Variants in MALRD1 observed in about 807,000 individuals in gnomAD.
MALRD1 encodes the protein MAM and LDL receptor class A domain containing 1.
A neutral mutation model predicts 242.1 loss-of-function variants in MALRD1; 247 were observed. The ratio of observed to expected loss-of-function variants is 1.02; its 90% confidence interval spans 0.92 to 1.13. MALRD1 has a LOEUF of 1.13. Ranked by LOEUF, MALRD1 falls within the 50% of genes most tolerant of loss-of-function variation. The pLI is 0.00. For synonymous variants in MALRD1, 995 were observed against 866.6 expected (o/e 1.15, Z -2.60); for missense variants, 2,989 against 2,533.1 (o/e 1.18, Z -3.86).
At chr10:19,306,241 ATATAC>A (rs1200868903) in intron 21 of MALRD1, among the ~76,000 whole-genome samples, 6 of 133,318 alleles carry the variant, frequency 4.5e-5, no homozygotes, top group Admixed American at 2.5e-4. Context: ...ACTATACTAT[ATATAC>A]TATACTATAG....
intron 36 of MALRD1, among the ~76,000 whole-genome samples, chr10:19,640,065 G>A (rs1840314270): frequency 6.6e-6 from 1 of 152,084 alleles, no homozygotes; most frequent in South Asian, 2.1e-4. Context: ...CATGGGGGAA[G>A]GGATGCTTCA....
At chr10:19,720,583 G>A (rs1028726948) in intron 38 of MALRD1, among the ~76,000 whole-genome samples, 4 of 152,036 alleles carry the variant, frequency 2.6e-5, no homozygotes, top group Non-Finnish European at 5.9e-5. Flanking sequence ...TACATACTCC[G>A]ATGATATCCA....
chr10:19,509,872 AAAAG>A (rs769163139), intron 31 of MALRD1, among the ~76,000 whole-genome samples: 1 of 152,264 alleles, frequency 6.6e-6, no homozygotes, highest in Middle Eastern at 3.4e-3. Flanking sequence ...GACACTTGAG[AAAAG>A]AAAGAGACAC....
At chr10:19,164,432 G>T (rs975286688) in intron 12 of MALRD1, among the ~76,000 whole-genome samples, 3 of 152,130 alleles carry the variant, frequency 2.0e-5, no homozygotes, top group East Asian at 1.9e-4. Context: ...TTTTTAAAAA[G>T]AATTTAAAAT....
At chr10:19,124,348 A>G (rs1837176225) in intron 6 of MALRD1, among the ~76,000 whole-genome samples, 176 bp from the exon 7 acceptor site, 1 of 152,200 alleles carries the variant, frequency 6.6e-6, no homozygotes, top group South Asian at 2.1e-4. Flanking sequence ...AATTTTTGCA[A>G]AATGGAGTTG....
intron 28 of MALRD1, among the ~76,000 whole-genome samples, chr10:19,413,007 T>G (rs1324631415): frequency 6.6e-6 from 1 of 152,146 alleles, no homozygotes; most frequent in Non-Finnish European, 1.5e-5. Context: ...TTCTTAAAAA[T>G]TGAATCTCTT....
chr10:19,395,213 T>C (rs1201177078), intron 28 of MALRD1, among the ~76,000 whole-genome samples: 1 of 152,158 alleles, frequency 6.6e-6, no homozygotes, highest in African/African-American at 2.4e-5. Flanking sequence ...TCTCAGTCAA[T>C]TTAGGAAGTT....
intron 5 of MALRD1, among the ~76,000 whole-genome samples, chr10:19,116,524 A>G (rs1440226059): frequency 1.3e-5 from 2 of 152,240 alleles, no homozygotes; most frequent in Non-Finnish European, 2.9e-5. Flanking sequence ...CCTCTGGAGT[A>G]AAAACTGGAT....
At chr10:19,289,275 T>C (rs972859658) in intron 21 of MALRD1, among the ~76,000 whole-genome samples, 8 of 152,168 alleles carry the variant, frequency 5.3e-5, no homozygotes, top group African/African-American at 1.9e-4. Context: ...TATTTCCGTA[T>C]TTCCTCTCAC....
At chr10:19,547,925 C>T (rs1297593155) in intron 32 of MALRD1, among the ~76,000 whole-genome samples, 1 of 129,090 alleles carries the variant, frequency 7.7e-6, no homozygotes, top group Non-Finnish European at 1.6e-5. Context: ...AACTTGTGCT[C>T]GCTTTGTGTT....
At chr10:19,363,660 G>A (rs1381663291) in intron 26 of MALRD1, among the ~76,000 whole-genome samples, 1 of 152,128 alleles carries the variant, frequency 6.6e-6, no homozygotes, top group East Asian at 1.9e-4. Context: ...TTGAGAGAAG[G>A]CAATAAATAA....
chr10:19,524,345 T>C (rs1834002652), intron 31 of MALRD1, among the ~76,000 whole-genome samples: 1 of 150,260 alleles, frequency 6.7e-6, no homozygotes, highest in Non-Finnish European at 1.5e-5. Context: ...GGCGTGGTGG[T>C]GCGTGCCTGT....
At chr10:19,308,734 G>A (rs1291019787) in intron 21 of MALRD1, among the ~76,000 whole-genome samples, 3 of 151,494 alleles carry the variant, frequency 2.0e-5, no homozygotes, top group Non-Finnish European at 4.4e-5. Context: ...TACGTTGTGA[G>A]CCCATTAGAG....
intron 36 of MALRD1, among the ~76,000 whole-genome samples, chr10:19,677,405 A>G (rs149285314): frequency 0.025 from 3,873 of 152,164 alleles, 193 homozygotes; most frequent in African/African-American, 0.088. Flanking sequence ...GCATTTTTCT[A>G]ATGATCAGTG....
chr10:19,444,021 G>A (rs1179562467), intron 28 of MALRD1, among the ~76,000 whole-genome samples: 2 of 152,168 alleles, frequency 1.3e-5, no homozygotes, highest in Admixed American at 1.3e-4. Flanking sequence ...ATTTAGAATA[G>A]TTAGCCCTTC....
intron 18 of MALRD1, among the ~76,000 whole-genome samples, chr10:19,213,142 A>C (rs948429298): frequency 6.6e-6 from 1 of 152,086 alleles, no homozygotes; most frequent in Non-Finnish European, 1.5e-5. Flanking sequence ...GTGGGGTCAT[A>C]TCAAAGAAAG....
At chr10:19,341,831 C>T (rs556406552) in intron 24 of MALRD1, among the ~76,000 whole-genome samples, 1 of 152,054 alleles carries the variant, frequency 6.6e-6, no homozygotes, top group South Asian at 2.1e-4. Flanking sequence ...AACCCAGCCC[C>T]TTTTATTTCA....
intron 21 of MALRD1, among the ~76,000 whole-genome samples, chr10:19,298,784 A>G (rs1234381568): frequency 6.6e-6 from 1 of 152,002 alleles, no homozygotes; most frequent in Non-Finnish European, 1.5e-5. Flanking sequence ...ACCTCAAAGC[A>G]CAACTTTAAT....
At chr10:19,373,676 G>T (rs1225532158) in intron 26 of MALRD1, among the ~76,000 whole-genome samples, 1 of 152,168 alleles carries the variant, frequency 6.6e-6, no homozygotes, top group African/African-American at 2.4e-5. Context: ...TCTCACACGT[G>T]TATACTTGTA....
Sources: allele counts gnomAD v4.1 joint callset (sites outside exome capture counted in the v4.1 genomes callset), GRCh38; gene constraint gnomAD v4.1.1; transcripts MANE v1.5; gene names NCBI Gene and HGNC (gene_info 2026-07-23, HGNC 2026-07-21).